The following SPECC1 variants were observed in gnomAD, a reference collection of about 807,000 sequenced individuals.
SPECC1 encodes the protein sperm antigen with calponin homology and coiled-coil domains 1.
A neutral mutation model predicts 104.1 loss-of-function variants in SPECC1; 62 were observed. That is an observed-to-expected ratio of 0.60 (90% confidence interval 0.49 to 0.74). SPECC1 has a LOEUF of 0.74. Among genes scored for constraint, SPECC1 ranks in the 30% least tolerant of loss-of-function variants. SPECC1 has a pLI of 0.00. For synonymous variants in SPECC1, 513 were observed against 501.6 expected, an observed-to-expected ratio of 1.02 and a Z score of -0.30; for missense variants, 1,306 against 1,310.5, an observed-to-expected ratio of 1.00 and a Z score of 0.05.
intron 1 of SPECC1, among the ~76,000 whole-genome samples, chr17:20,094,446 C>T (rs1461641005): frequency 6.6e-6 from 1 of 152,122 alleles, no homozygotes; most frequent in Non-Finnish European, 1.5e-5. Flanking sequence ...TTTTCTTTAA[C>T]CAAGGACTTA....
intron 1 of SPECC1, among the ~76,000 whole-genome samples, chr17:20,091,794 G>A (rs1265779106): frequency 1.3e-5 from 2 of 152,064 alleles, no homozygotes; most frequent in African/African-American, 2.4e-5. Flanking sequence ...GCTTGTAGCC[G>A]AGCCCTGAGT....
intron 9 of SPECC1, among the ~76,000 whole-genome samples, chr17:20,253,168 T>C (rs1189700212): frequency 6.6e-6 from 1 of 152,156 alleles, no homozygotes; most frequent in East Asian, 1.9e-4. Context: ...CCATTAAAAA[T>C]AGAATACTTA....
At chr17:20,192,470 C>G (rs2035740394) in intron 3 of SPECC1, among the ~76,000 whole-genome samples, 1 of 152,114 alleles carries the variant, frequency 6.6e-6, no homozygotes, top group Non-Finnish European at 1.5e-5. Context: ...CCCTGCAACC[C>G]TCTCCTAGTG....
At chr17:20,044,233 C>G (rs114803423) in intron 1 of SPECC1, among the ~76,000 whole-genome samples, 1 of 151,924 alleles carries the variant, frequency 6.6e-6, no homozygotes, top group Non-Finnish European at 1.5e-5. Context: ...GAATGGGAAG[C>G]ATTTTATTGG....
intron 1 of SPECC1, among the ~76,000 whole-genome samples, chr17:20,065,976 A>G (rs766009215): frequency 3.3e-5 from 5 of 152,180 alleles, no homozygotes; most frequent in African/African-American, 4.8e-5. Context: ...TTTGTTATCT[A>G]TATCTATCTA....
chr17:20,108,618 T>G lies in SPECC1; in HGVS notation c.148-1809T>G, dbSNP rs921389682. On this transcript the variant is annotated intron_variant, in intron 2 of 14. Coordinates refer to ENST00000395527, the MANE Select transcript of SPECC1 (RefSeq NM_001243439.2). ...TTGTGTCTGCTTCTTTCACTTAGCA[T>G]AATACCTGGGACAGCCACCCATTTA... Among the ~76,000 whole-genome samples the G allele has an allele frequency of 2.0e-4, 31 of 152,270 alleles. 2 individuals are homozygous for G. The highest frequency in any genetic ancestry group is 1.5e-5 in the Non-Finnish European group (1 of 68,050).
chr17:20,082,652 C>G (rs2047018553), intron 1 of SPECC1, among the ~76,000 whole-genome samples: 1 of 152,086 alleles, frequency 6.6e-6, no homozygotes, highest in South Asian at 2.1e-4. Context: ...ATGGTTATCC[C>G]TCTGTGTGTG....
Position 20,246,012 on chromosome 17 carries a change from C to A in SPECC1, c.2438C>A (p.Pro813His), listed in dbSNP as rs2039406684. The change falls in exon 8 of 15, where the codon CCC becomes CAC. Residue 813 changes from proline (P) to histidine (H), a missense_variant. This residue lies in a region of SPECC1 where 1,177 missense variants were observed against 1,139.9 expected (regional missense o/e 1.03). Transcript: ENST00000395527. Reference sequence around the variant, plus strand: ...TGTGTTAGCAGAACATCTCCAACACCCCCAGAGTCGGCAACCACCGTTAAG... The same window carrying A: ...TGTGTTAGCAGAACATCTCCAACACACCCAGAGTCGGCAACCACCGTTAAG... ...GVCVSRTSPT[P>H]PESATTVKSL... 6.2e-7 allele frequency: 1 copy of A among 1,614,046 alleles called. No homozygotes were observed. The highest frequency in any genetic ancestry group is 1.3e-5 in the African/African-American group (1 of 75,008).
At position 20,167,085 on chromosome 17, in the gene SPECC1, A is replaced by G. The variant is rs2033714182; in HGVS notation, c.284-37248A>G. ...AAGTTTTAGTTAGACTCATCAAGAAATAGGATAACACAAATACCCCAAATT... is the reference window on the plus strand; with the variant it reads ...AAGTTTTAGTTAGACTCATCAAGAAGTAGGATAACACAAATACCCCAAATT... On this transcript the variant is annotated intron_variant, in intron 3 of 14. Transcript: ENST00000395527. 2.0e-5 allele frequency among the ~76,000 whole-genome samples: 3 copies of G among 150,510 alleles called. No homozygotes were observed. The South Asian group carries it at 6.3e-4, about 31-fold the overall frequency.
intron 3 of SPECC1, among the ~76,000 whole-genome samples, chr17:20,114,677 G>GGC (rs1567853622): frequency 6.6e-6 from 1 of 152,052 alleles, no homozygotes; most frequent in Non-Finnish European, 1.5e-5. Context: ...ATCAACATGA[G>GGC]GCAAGGAATC....
chr17:20,167,331 A>G (rs1386902039), intron 3 of SPECC1, among the ~76,000 whole-genome samples: 1 of 152,002 alleles, frequency 6.6e-6, no homozygotes, highest in African/African-American at 2.4e-5. Flanking sequence ...TCATAAAGAA[A>G]TGAAACACTT....
chr17:20,095,496 G>T (rs918230857), intron 1 of SPECC1, among the ~76,000 whole-genome samples: 3 of 152,176 alleles, frequency 2.0e-5, no homozygotes, highest in Non-Finnish European at 4.4e-5. Context: ...TTTCAATAGG[G>T]TCGGGAACTA....
At chr17:20,176,455 T>G (rs2034481807) in intron 3 of SPECC1, among the ~76,000 whole-genome samples, 1 of 152,184 alleles carries the variant, frequency 6.6e-6, no homozygotes, top group African/African-American at 2.4e-5. Flanking sequence ...CTCTAAGGTA[T>G]TATTTATGTA....
At chr17:20,183,143 A>T (rs2035025004) in intron 3 of SPECC1, among the ~76,000 whole-genome samples, 2 of 152,214 alleles carry the variant, frequency 1.3e-5, no homozygotes, top group South Asian at 4.1e-4. Context: ...AAAGGTGTTC[A>T]ACATCAGTAG....
chr17:20,246,545 A>C (rs1205153121), intron 8 of SPECC1, among the ~76,000 whole-genome samples: 4 of 152,066 alleles, frequency 2.6e-5, no homozygotes, highest in Non-Finnish European at 5.9e-5. Flanking sequence ...GTACGTGAGC[A>C]CCTGTGCTAA....
intron 1 of SPECC1, among the ~76,000 whole-genome samples, chr17:20,033,443 A>G (rs1306340429): frequency 6.6e-6 from 1 of 152,102 alleles, no homozygotes; most frequent in Non-Finnish European, 1.5e-5. Flanking sequence ...ATAAAGGAAT[A>G]CCTGAGGCTG....
intron 12 of SPECC1, among the ~76,000 whole-genome samples, chr17:20,260,711 G>A (rs1473900673): frequency 6.6e-6 from 1 of 152,222 alleles, no homozygotes; most frequent in Non-Finnish European, 1.5e-5. Flanking sequence ...GGAAGCACGG[G>A]AGAGGGAGGA....
intron 5 of SPECC1, among the ~76,000 whole-genome samples, chr17:20,230,939 C>G (rs1598041232): frequency 6.6e-6 from 1 of 152,204 alleles, no homozygotes; most frequent in African/African-American, 2.4e-5. Context: ...GACCTGCCCA[C>G]AGCATCTTTT....
intron 7 of SPECC1, chr17:20,236,869 C>T (rs1285910496): frequency 1.2e-6 from 2 of 1,613,752 alleles, no homozygotes; most frequent in African/African-American, 2.7e-5. Flanking sequence ...GCTCCCTGGG[C>T]TCTGTCAGCT....
Sources: gnomAD v4.1 joint callset for allele counts (sites outside exome capture counted in the v4.1 genomes callset) on GRCh38, gnomAD v4.1.1 for gene constraint, gnomAD v4.1.1 regional missense constraint, MANE v1.5 for transcripts, NCBI Gene and HGNC (gene_info 2026-07-23, HGNC 2026-07-21) for gene names.